SYNPO: variants seen among roughly 807,000 people sequenced by gnomAD.
The protein encoded by SYNPO is synaptopodin.
In SYNPO, 19 loss-of-function variants were observed where a neutral mutation model predicts 49.5. The ratio of observed to expected loss-of-function variants is 0.38; its 90% CI spans 0.27 to 0.56. The LOEUF is 0.56. Ranked by LOEUF, SYNPO falls within the 20% of genes least tolerant of loss-of-function variation. SYNPO has a pLI of 0.68. For missense variants in SYNPO, 1,131 were observed against 1,248.3 expected (o/e 0.91, Z 1.42); for synonymous variants, 536 against 548.0 (o/e 0.98, Z 0.31).
chr5:150,636,612 C>T (rs964021318), upstream of SYNPO, among the ~76,000 whole-genome samples: 4 of 152,214 alleles, frequency 2.6e-5, no homozygotes, highest in African/African-American at 9.7e-5. Context: ...GCAGGAGACT[C>T]CTCCTGTTGG....
intron 1 of SYNPO, among the ~76,000 whole-genome samples, chr5:150,647,729 C>T (rs1047163907): frequency 6.6e-5 from 10 of 152,198 alleles, no homozygotes; most frequent in Non-Finnish European, 1.2e-4. Context: ...ATCAGGGTGG[C>T]GTAGACGTGG....
chr5:150,653,298 G>C (rs1758453769), intron 2 of SYNPO: 1 of 152,244 alleles, frequency 6.6e-6, no homozygotes, highest in Non-Finnish European at 1.5e-5. Context: ...AGATGATGGG[G>C]ATCTGCTTAC....
chr5:150,614,274 AG>A, intron 1 of SYNPO, among the ~76,000 whole-genome samples: 1 of 152,238 alleles, frequency 6.6e-6, no homozygotes, highest in East Asian at 1.9e-4. Flanking sequence ...CTGATGCCAA[AG>A]CCAGTGCCCT....
chr5:150,613,471 C>T (rs1184685378), intron 1 of SYNPO, among the ~76,000 whole-genome samples: 1 of 152,226 alleles, frequency 6.6e-6, no homozygotes, highest in African/African-American at 2.4e-5. Context: ...CCCCAGGAAA[C>T]CTTTCCTCAC....
chr5:150,626,476 C>T (rs1258156867), intron 2 of SYNPO, among the ~76,000 whole-genome samples: 2 of 152,210 alleles, frequency 1.3e-5, no homozygotes, highest in African/African-American at 4.8e-5. Flanking sequence ...GCAGCCCCCA[C>T]TTTCCAGGCC....
At chr5:150,596,635 G>T (rs918216737), upstream of SYNPO, among the ~76,000 whole-genome samples, 6 of 152,106 alleles carry the variant, frequency 3.9e-5, no homozygotes, top group Non-Finnish European at 8.8e-5. Context: ...CCTGGTGAAG[G>T]TTGCTCTGCC....
chr5:150,625,104 G>A (rs1396339292), intron 2 of SYNPO, among the ~76,000 whole-genome samples: 1 of 152,222 alleles, frequency 6.6e-6, no homozygotes, highest in African/African-American at 2.4e-5. Flanking sequence ...GGGCTGGAGG[G>A]GTATCGAGGC....
At chr5:150,589,207 G>A in the SYNPO span, among the ~76,000 whole-genome samples, 1 of 152,008 alleles carries the variant, frequency 6.6e-6, no homozygotes, top group Non-Finnish European at 1.5e-5. Context: ...GACTACAGGT[G>A]TGCGCCACCA....
In SYNPO at chr5:150,640,827, A is replaced by T; in HGVS notation, c.-360A>T. On this transcript the variant is annotated 5_prime_UTR_variant, in exon 1 of 3. In the 5' UTR this introduces an upstream ATG that the reference lacks. Coordinates refer to ENST00000307662, the MANE Select transcript of SYNPO (RefSeq NM_007286.6). ...AGGCCGGCAGGAGCATCCAGGGGGA[A>T]GCTTGGCTTCAGGGAGGACCTAGCA... is the stretch of plus-strand genomic sequence containing the variant. The T allele has an allele frequency of 1.0e-6, 1 of 985,600 alleles. No individual in the cohort carries two copies. Among genetic ancestry groups the T allele is most frequent in the Non-Finnish European group, 1.2e-6 (1 of 829,954 alleles). The allele number at this position is 985,600 out of a possible 1,614,324, so 61.1% of individuals were successfully genotyped here. A position where few individuals can be genotyped will look rare whatever the true frequency, so the allele number is the denominator to read the frequency against.
intron 2 of SYNPO, among the ~76,000 whole-genome samples, chr5:150,631,547 G>A (rs1176571877): frequency 6.6e-6 from 1 of 152,206 alleles, no homozygotes; most frequent in East Asian, 1.9e-4. Context: ...GAGCTGCAGC[G>A]CAGGGGTCAG....
chr5:150,616,505 C>G (rs1423959655), intron 1 of SYNPO, among the ~76,000 whole-genome samples: 1 of 152,210 alleles, frequency 6.6e-6, no homozygotes, highest in Non-Finnish European at 1.5e-5. Flanking sequence ...ACCTGCCCAT[C>G]CTGGGCATCT....
intron 1 of SYNPO, among the ~76,000 whole-genome samples, chr5:150,605,098 G>T (rs1756654676): frequency 6.6e-6 from 1 of 152,196 alleles, no homozygotes; most frequent in South Asian, 2.1e-4. Context: ...GGTGCTCAAT[G>T]AACACTCCTC....
the SYNPO span, among the ~76,000 whole-genome samples, chr5:150,593,215 C>A: frequency 1.3e-5 from 2 of 152,220 alleles, no homozygotes; most frequent in African/African-American, 4.8e-5. Flanking sequence ...GACTTGTGTG[C>A]TATCTTCAGG....
upstream of SYNPO, among the ~76,000 whole-genome samples, chr5:150,600,868 A>G (rs1232655032): frequency 1.3e-5 from 2 of 152,158 alleles, no homozygotes; most frequent in East Asian, 3.9e-4. Flanking sequence ...GTGTTTGTCA[A>G]GCAGAATATG....
the SYNPO span, among the ~76,000 whole-genome samples, chr5:150,587,970 G>C: frequency 6.6e-6 from 1 of 152,202 alleles, no homozygotes; most frequent in Non-Finnish European, 1.5e-5. Context: ...TTACTGAGCT[G>C]TGTTGGATAT....
At chr5:150,619,035 C>CT (rs1339468029) in intron 2 of SYNPO, among the ~76,000 whole-genome samples, 1 of 147,536 alleles carries the variant, frequency 6.8e-6, no homozygotes, top group African/African-American at 2.6e-5. Flanking sequence ...TCTTGCTTGG[C>CT]TAAAAAAAAA....
At position 150,649,465 on chromosome 5, in the gene SYNPO, A is replaced by T. The variant is rs1325929360; in HGVS notation, c.1190A>T (p.Asp397Val). 6.2e-7 allele frequency: 1 copy of T among 1,614,136 alleles called. No homozygotes were observed. The highest frequency in any genetic ancestry group is 1.1e-5 in the South Asian group (1 of 91,086). Reference sequence around the variant, plus strand: ...GTGACCCCGAATCCAGACTTGCTGGATCTGGTACAGACAGCGGATGAGAAG... The same window carrying T: ...GTGACCCCGAATCCAGACTTGCTGGTTCTGGTACAGACAGCGGATGAGAAG... Reference protein sequence around the residue: ...PKVTPNPDLLDLVQTADEKRR... With the variant: ...PKVTPNPDLLVLVQTADEKRR... The change falls in exon 2 of 3, where the codon GAT becomes GTT. Residue 397 changes from aspartate (D) to valine (V), a missense_variant. Asp to Val is a radical substitution (Grantham distance 152, BLOSUM62 -3). Transcript: ENST00000307662.
At chr5:150,653,615 G>A (rs947763411) in intron 2 of SYNPO, 2 of 152,182 alleles carry the variant, frequency 1.3e-5, no homozygotes, top group Non-Finnish European at 2.9e-5. Context: ...ACCCTGATTT[G>A]GCATTTGGCC....
chr5:150,649,949 G>A lies in SYNPO; in HGVS notation c.1674G>A (p.Glu558=). Residue 558 remains glutamate, a synonymous_variant, in exon 2 of 3, where the codon GAG becomes GAA. Transcript: ENST00000307662. ...YLPENGVLRP[E]PTKQPPYQLR... is the part of the protein sequence containing the mutation. The stretch of plus-strand genomic sequence containing the variant: ...CTGAGAACGGGGTCCTGCGCCCAGA[G>A]CCCACCAAGCAGCCGCCATACCAGC... The A allele has an allele frequency of 6.2e-7, 1 of 1,612,540 alleles. No individual in the cohort carries two copies. The highest frequency in any genetic ancestry group is 8.5e-7 in the Non-Finnish European group (1 of 1,179,974).
Sources: allele counts gnomAD v4.1 joint callset (sites outside exome capture counted in the v4.1 genomes callset), GRCh38; gene constraint gnomAD v4.1.1; transcripts MANE v1.5; gene names NCBI Gene and HGNC (gene_info 2026-07-23, HGNC 2026-07-21).